The following PLSCR1 variants were observed in gnomAD, a reference collection of about 807,000 sequenced individuals.
PLSCR1 encodes PL scramblase 1.
In PLSCR1, 17 loss-of-function variants were observed where a neutral mutation model predicts 37.8. The observed-to-expected ratio is 0.45, with a 90% CI of 0.31 to 0.68. The LOEUF is 0.68. Among genes scored for constraint, PLSCR1 ranks in the 30% least tolerant of loss-of-function variants. The pLI is 0.06. For missense variants in PLSCR1, 347 were observed against 380.9 expected (o/e 0.91, Z 0.74); for synonymous variants, 116 against 125.9 (o/e 0.92, Z 0.53).
At chr3:146,516,204 T>C in intron 8 of PLSCR1, 103 bp from the exon 9 acceptor site, 1 of 624,800 alleles carries the variant, frequency 1.6e-6, no homozygotes, top group South Asian at 2.3e-5. Context: ...CAGTAACAAA[T>C]CTGTTAAAAA....
intron 3 of PLSCR1, among the ~76,000 whole-genome samples, chr3:146,531,004 T>A (rs1179215090): frequency 6.6e-6 from 1 of 152,212 alleles, no homozygotes; most frequent in Admixed American, 6.5e-5. Flanking sequence ...AATACCAGTG[T>A]AATTAATTGA....
At chr3:146,535,148 G>A (rs750475025) in intron 2 of PLSCR1, among the ~76,000 whole-genome samples, 2 of 151,544 alleles carry the variant, frequency 1.3e-5, no homozygotes, top group Non-Finnish European at 2.9e-5. Flanking sequence ...TAGATTTCAA[G>A]AAAATATTTT....
intron 1 of PLSCR1, among the ~76,000 whole-genome samples, chr3:146,542,292 C>A (rs184753305): frequency 1.3e-5 from 2 of 152,242 alleles, no homozygotes; most frequent in Admixed American, 6.5e-5. Flanking sequence ...CACCAACCCA[C>A]TCACCCACAC....
intron 2 of PLSCR1, 54 bp from the exon 3 acceptor site, chr3:146,533,604 A>T (rs1427569102): frequency 8.7e-6 from 9 of 1,035,838 alleles, no homozygotes; most frequent in Non-Finnish European, 1.2e-5. Context: ...TATATATTAG[A>T]AAGAAACAAT....
At chr3:146,543,248 C>T (rs2738906) in intron 1 of PLSCR1, among the ~76,000 whole-genome samples, 40,661 of 152,098 alleles carry the variant, frequency 0.27, 5,630 homozygotes, top group African/African-American at 0.31. Context: ...TCACACACAT[C>T]TGATGTCTCT....
At chr3:146,543,528 T>C (rs1433008404) in intron 1 of PLSCR1, among the ~76,000 whole-genome samples, 1 of 152,200 alleles carries the variant, frequency 6.6e-6, no homozygotes, top group Non-Finnish European at 1.5e-5. Context: ...GTAGTAACCA[T>C]GTATCTCAAT....
rs2044044154 is a variant in PLSCR1 at position 146,522,727 on chromosome 3, T to C, written c.356-674A>G. ...TTAGTAAAAGAGGAAGGAACGCGTC[T>C]TTGCAGTTGAGATAAGAGGAAGGTA... On this transcript the variant is annotated intron_variant, in intron 5 of 8. Coordinates refer to ENST00000342435, the MANE Select transcript of PLSCR1 (RefSeq NM_021105.3). 2.0e-5 allele frequency among the ~76,000 whole-genome samples: 3 copies of C among 152,140 alleles called. No individual in the cohort carries two copies. In the South Asian group the frequency reaches 6.2e-4, roughly 32 times the overall value.
intron 3 of PLSCR1, among the ~76,000 whole-genome samples, 191 bp downstream of exon 3, chr3:146,533,279 G>A (rs1458619152): frequency 6.6e-6 from 1 of 151,988 alleles, no homozygotes; most frequent in African/African-American, 2.4e-5. Context: ...TGTGCAAAAT[G>A]ATAGCCAAAT....
At chr3:146,525,423 C>T (rs370885660) in intron 5 of PLSCR1, 182 bp downstream of exon 5, 1 of 531,628 alleles carries the variant, frequency 1.9e-6, no homozygotes, top group Non-Finnish European at 3.4e-6. Flanking sequence ...CCCAACATAA[C>T]AGCATTTTAC....
At chr3:146,530,330 T>C (rs995466571) in intron 3 of PLSCR1, among the ~76,000 whole-genome samples, 9 of 152,206 alleles carry the variant, frequency 5.9e-5, no homozygotes, top group Admixed American at 3.9e-4. Context: ...ATCATAAATA[T>C]AGCTTTTATA....
intron 7 of PLSCR1, among the ~76,000 whole-genome samples, chr3:146,519,451 T>C (rs982655493): frequency 2.6e-5 from 4 of 152,072 alleles, no homozygotes; most frequent in Non-Finnish European, 5.9e-5. Flanking sequence ...GTCAGTTTCA[T>C]GTGGCCATAT....
rs200133787 is a variant in PLSCR1, at chr3:146,521,875, T to C, written c.534A>G (p.Pro178=). 2.5e-6 allele frequency: 4 copies of C among 1,614,008 alleles called. No individual in the cohort carries two copies. The highest frequency in any genetic ancestry group is 2.2e-5 in the East Asian group (1 of 44,880). The change falls in exon 6 of 9, where the codon CCA becomes CCG. Residue 178 remains proline (P), a synonymous_variant. Transcript: ENST00000342435. ...MGQEVITLER[P]LRCSSCCCPC... ...GACAACAACAGCTGCTACATCTTAG[T>C]GGTCTCTCCAGAGTTATGACTTCTT...
chr3:146,538,982 T>C (rs1416521277), intron 1 of PLSCR1, among the ~76,000 whole-genome samples: 1 of 152,214 alleles, frequency 6.6e-6, no homozygotes, highest in East Asian at 1.9e-4. Flanking sequence ...ACCGGTTTTG[T>C]GGAAGACATG....
At chr3:146,524,189 T>C (rs1258937307) in intron 5 of PLSCR1, among the ~76,000 whole-genome samples, 1 of 152,204 alleles carries the variant, frequency 6.6e-6, no homozygotes. Flanking sequence ...TTAAGTAGCT[T>C]AATCTCAAAA....
At chr3:146,537,484 C>A (rs990278781) in intron 1 of PLSCR1, among the ~76,000 whole-genome samples, 9 of 152,136 alleles carry the variant, frequency 5.9e-5, no homozygotes, top group African/African-American at 2.2e-4. Flanking sequence ...TCTTACTGTG[C>A]AATCCTAAGT....
chr3:146,531,142 A>C (rs1337293907), intron 3 of PLSCR1, among the ~76,000 whole-genome samples: 4 of 152,192 alleles, frequency 2.6e-5, no homozygotes, highest in Non-Finnish European at 5.9e-5. Flanking sequence ...TTGAGGGGTC[A>C]CCTTTATGCT....
intron 3 of PLSCR1, among the ~76,000 whole-genome samples, chr3:146,533,092 A>G (rs950787377): frequency 1.3e-5 from 2 of 152,176 alleles, no homozygotes; most frequent in Non-Finnish European, 2.9e-5. Context: ...TAAATTTCCT[A>G]AATGTGATTA....
At chr3:146,524,651 A>G (rs916273414) in intron 5 of PLSCR1, among the ~76,000 whole-genome samples, 1 of 152,120 alleles carries the variant, frequency 6.6e-6, no homozygotes, top group African/African-American at 2.4e-5. Flanking sequence ...ACATTAAAAA[A>G]TTCAGAATAC....
At chr3:146,529,938 T>C (rs6769772) in intron 3 of PLSCR1, among the ~76,000 whole-genome samples, 259 of 152,358 alleles carry the variant, frequency 1.7e-3, no homozygotes, top group African/African-American at 5.8e-3. Flanking sequence ...AATTCTATTA[T>C]AATATTTAGG....
Sources: allele counts gnomAD v4.1 joint callset (sites outside exome capture counted in the v4.1 genomes callset), GRCh38; gene constraint gnomAD v4.1.1; transcripts MANE v1.5; gene names NCBI Gene and HGNC (gene_info 2026-07-23, HGNC 2026-07-21).